FNIP2: variants seen among roughly 807,000 people sequenced by gnomAD.
FNIP2 encodes the protein folliculin interacting protein 2.
In FNIP2, 32 loss-of-function variants were observed where a neutral mutation model predicts 108.7. The observed-to-expected ratio is 0.29, with a 90% CI of 0.22 to 0.40. FNIP2 has a LOEUF of 0.40. Ranked by LOEUF, FNIP2 falls within the 10% of genes least tolerant of loss-of-function variation. The probability of loss-of-function intolerance (pLI) is 1.00; values close to 1 mark genes in which losing one functional copy is unlikely to be tolerated. For missense variants in FNIP2, 1,202 were observed against 1,381.6 expected, an observed-to-expected ratio of 0.87 and a Z score of 2.06; for synonymous variants, 480 against 496.7, an observed-to-expected ratio of 0.97 and a Z score of 0.45.
At chr4:158,874,466 G>A (rs1050333201) in intron 14 of FNIP2, among the ~76,000 whole-genome samples, 3 of 94,468 alleles carry the variant, frequency 3.2e-5, no homozygotes, top group Non-Finnish European at 6.1e-5. Context: ...ATCACCCTGG[G>A]CAATATAGCA....
chr4:158,816,110 A>G (rs890292217), intron 1 of FNIP2, among the ~76,000 whole-genome samples: 8 of 152,102 alleles, frequency 5.3e-5, no homozygotes, highest in Admixed American at 2.0e-4. Flanking sequence ...TCTCTTTTAG[A>G]GATAGTATTT....
chr4:158,826,918 G>A (rs1778190880), intron 2 of FNIP2, among the ~76,000 whole-genome samples: 1 of 152,190 alleles, frequency 6.6e-6, no homozygotes, highest in Non-Finnish European at 1.5e-5. Context: ...CTGGCAGTTT[G>A]TAGAATGTGC....
At chr4:158,882,182 C>A (rs1409997146) in intron 14 of FNIP2, among the ~76,000 whole-genome samples, 1 of 149,996 alleles carries the variant, frequency 6.7e-6, no homozygotes, top group South Asian at 2.1e-4. Flanking sequence ...GGAGCCCCTC[C>A]GCCCAGCAGC....
intron 12 of FNIP2, 90 bp downstream of exon 12, chr4:158,861,866 C>T: frequency 6.3e-6 from 9 of 1,435,606 alleles, no homozygotes; most frequent in Non-Finnish European, 8.6e-6. Context: ...CTCTCTCACC[C>T]AGTAATTCAT....
chr4:158,771,991 T>C (rs1775713875), intron 1 of FNIP2, among the ~76,000 whole-genome samples: 1 of 152,222 alleles, frequency 6.6e-6, no homozygotes. Context: ...CAGGTCATTT[T>C]CAGGACTTCA....
intron 2 of FNIP2, among the ~76,000 whole-genome samples, chr4:158,827,456 C>G (rs533434205): frequency 1.9e-4 from 29 of 152,184 alleles, no homozygotes; most frequent in Non-Finnish European, 3.8e-4. Context: ...TTCTTAGAAG[C>G]ATTCATCTAA....
intron 3 of FNIP2, among the ~76,000 whole-genome samples, chr4:158,831,247 A>T (rs1390144619): frequency 6.6e-6 from 1 of 152,206 alleles, no homozygotes; most frequent in African/African-American, 2.4e-5. Context: ...GTGGTAGATT[A>T]ACAAGCCAGT....
chr4:158,829,714 GT>G (rs1560783291), intron 3 of FNIP2, among the ~76,000 whole-genome samples: 12 of 130,896 alleles, frequency 9.2e-5, no homozygotes, highest in Admixed American at 3.0e-4. Context: ...TGTGTGGGGT[GT>G]GTGTGTGTGT....
intron 6 of FNIP2, 169 bp downstream of exon 6, chr4:158,833,797 C>G (rs1408727511): frequency 1.3e-6 from 2 of 1,522,086 alleles, no homozygotes; most frequent in East Asian, 5.0e-5. Flanking sequence ...GTTTCCATCT[C>G]TAGGTCTGCT....
Position 158,851,453 on chromosome 4 carries a change from G to C in FNIP2, c.857+3G>C. The C allele has an allele frequency of 6.2e-7, 1 of 1,613,904 alleles. No homozygotes were observed. Among genetic ancestry groups the C allele is most frequent in the Non-Finnish European group, 8.5e-7 (1 of 1,179,838 alleles). Reference sequence around the variant, plus strand: ...GAAAATGGCATCATCCCAAGAAGGTGAGTTGCAAGTTTCCTCTTGCTGAGA... The same window carrying C: ...GAAAATGGCATCATCCCAAGAAGGTCAGTTGCAAGTTTCCTCTTGCTGAGA... On this transcript the variant is annotated splice_donor_region_variant and intron_variant, in intron 8 of 16. Transcript: ENST00000264433.
At chr4:158,821,825 G>A (rs1040642006) in intron 1 of FNIP2, among the ~76,000 whole-genome samples, 1 of 152,126 alleles carries the variant, frequency 6.6e-6, no homozygotes. Context: ...ATACTAAAAT[G>A]TCAGTGTCTC....
chr4:158,872,808 G>A (rs1317368053), intron 14 of FNIP2: 1 of 945,258 alleles, frequency 1.1e-6, no homozygotes, highest in Non-Finnish European at 1.3e-6. Context: ...AAATATTTTA[G>A]GAGTATTTGT....
intron 1 of FNIP2, among the ~76,000 whole-genome samples, chr4:158,804,223 G>A (rs1198067619): frequency 6.6e-6 from 1 of 151,926 alleles, no homozygotes; most frequent in Non-Finnish European, 1.5e-5. Flanking sequence ...ATTATAGGTG[G>A]GAGCCACCGC....
chr4:158,791,025 A>G lies in FNIP2; in HGVS notation c.107+21706A>G, dbSNP rs549166528. The stretch of plus-strand genomic sequence containing the variant: ...ATACCAGGCTATCATGATTAGAATT[A>G]AACAGTTTTCTGAAAACCTAACCTA... On this transcript the variant is annotated intron_variant, in intron 1 of 16. Transcript: ENST00000264433. 5.9e-5 allele frequency among the ~76,000 whole-genome samples: 9 copies of G among 152,282 alleles called. No homozygotes were observed. The East Asian group carries it at 1.7e-3, about 29-fold the overall frequency.
At position 158,900,006 on chromosome 4, in the gene FNIP2, A is replaced by T. The variant is rs183832470; in HGVS notation, c.3266+4141A>T. Among the ~76,000 whole-genome samples, 699 of 152,302 alleles carry T rather than the reference A, an allele frequency of 4.6e-3. 10 individuals are homozygous for T. The highest frequency in any genetic ancestry group is 0.018 in the Admixed American group (282 of 15,304). On this transcript the variant is annotated intron_variant, in intron 16 of 16. Coordinates refer to ENST00000264433, the MANE Select transcript of FNIP2 (RefSeq NM_020840.3). The stretch of plus-strand genomic sequence containing the variant: ...TTTAGTGCTATAAATTTCCCTCTAA[A>T]CACTGCTTTAAATGTGTCCTAAAGA...
At chr4:158,831,777 T>C in intron 3 of FNIP2, 84 bp from the exon 4 acceptor site, 1 of 858,880 alleles carries the variant, frequency 1.2e-6, no homozygotes. Flanking sequence ...CCGATGACAC[T>C]AACGAGATTA....
intron 16 of FNIP2, among the ~76,000 whole-genome samples, chr4:158,900,617 G>T (rs1023733262): frequency 1.3e-5 from 2 of 152,014 alleles, no homozygotes; most frequent in Non-Finnish European, 2.9e-5. Context: ...TTTGATCTTT[G>T]TTGGTTTAAA....
chr4:158,892,284 G>A (rs1782328533), intron 15 of FNIP2, among the ~76,000 whole-genome samples: 1 of 151,732 alleles, frequency 6.6e-6, no homozygotes, highest in Non-Finnish European at 1.5e-5. Flanking sequence ...CTAGAGGCAT[G>A]TGCCACCATG....
chr4:158,897,040 C>A (rs1013433225), intron 16 of FNIP2, among the ~76,000 whole-genome samples: 3 of 151,350 alleles, frequency 2.0e-5, no homozygotes, highest in African/African-American at 7.3e-5. Context: ...TGTTCCCCTT[C>A]CTGTGTGTGT....
Sources: allele counts gnomAD v4.1 joint callset (sites outside exome capture counted in the v4.1 genomes callset), GRCh38; gene constraint gnomAD v4.1.1; transcripts MANE v1.5; gene names NCBI Gene and HGNC (gene_info 2026-07-23, HGNC 2026-07-21).